The following COL28A1 variants were observed in gnomAD, a reference collection of about 807,000 sequenced individuals.
COL28A1 encodes collagen type XXVIII alpha 1 chain.
A neutral mutation model predicts 150.2 loss-of-function variants in COL28A1; 161 were observed. The observed-to-expected ratio is 1.07, with a 90% CI of 0.94 to 1.22. The LOEUF is 1.22. Ranked by LOEUF, COL28A1 falls within the 50% of genes most tolerant of loss-of-function variation. The pLI is 0.00. For missense variants in COL28A1, 1,617 were observed against 1,388.3 expected, an observed-to-expected ratio of 1.16 and a Z score of -2.62; for synonymous variants, 552 against 469.7, an observed-to-expected ratio of 1.18 and a Z score of -2.26.
intron 27 of COL28A1, among the ~76,000 whole-genome samples, chr7:7,388,614 C>T: frequency 1.1e-5 from 1 of 92,114 alleles, no homozygotes; most frequent in African/African-American, 3.0e-5. Flanking sequence ...CTAATTTACA[C>T]TCCCACCAAC....
upstream of COL28A1, among the ~76,000 whole-genome samples, chr7:7,536,187 T>C (rs1159924360): frequency 6.6e-6 from 1 of 152,190 alleles, no homozygotes; most frequent in Non-Finnish European, 1.5e-5. Flanking sequence ...TGAAGGAGTA[T>C]AAATGACACC....
chr7:7,469,628 C>A (rs1788263127), intron 15 of COL28A1, among the ~76,000 whole-genome samples: 1 of 100,590 alleles, frequency 9.9e-6, no homozygotes, highest in Non-Finnish European at 2.0e-5. Flanking sequence ...TCATATGGAA[C>A]CAAAAAAGAG....
chr7:7,484,968 C>T (rs1269598022), intron 13 of COL28A1, among the ~76,000 whole-genome samples: 1 of 151,942 alleles, frequency 6.6e-6, no homozygotes, highest in Non-Finnish European at 1.5e-5. Flanking sequence ...ACACTGGGGC[C>T]CACTTGAAGG....
rs77430010 is a variant in COL28A1, at chr7:7,433,974, C to A, written c.1861-1274G>T. 2.0e-3 allele frequency among the ~76,000 whole-genome samples: 299 copies of A among 152,276 alleles called. 1 individual carries two copies. The highest frequency in any genetic ancestry group is 6.7e-3 in the African/African-American group (280 of 41,554). On this transcript the variant is annotated intron_variant, in intron 23 of 34. Transcript: ENST00000399429. ...ATTGCCATTATTCCAAGTGAAAATA[C>A]TGCCCAAAGTCCAACTCTCAAAAAC...
intron 20 of COL28A1, among the ~76,000 whole-genome samples, chr7:7,442,554 AT>A (rs1487576991): frequency 6.6e-6 from 1 of 152,190 alleles, no homozygotes; most frequent in African/African-American, 2.4e-5. Flanking sequence ...AAGCCTACAA[AT>A]ATATTTAAAT....
Position 7,456,120 on chromosome 7 carries a change from G to T in COL28A1, c.1303-8C>A. The T allele has an allele frequency of 6.2e-7, 1 of 1,608,544 alleles. No individual in the cohort carries two copies. The highest frequency in any genetic ancestry group is 8.5e-7 in the Non-Finnish European group (1 of 1,177,342). ...CACAGGTCCTATATCCCCCTGCACA[G>T]AAAATAAGCCAGGAAATATAACAAT... On this transcript the variant is annotated splice_region_variant and splice_polypyrimidine_tract_variant and intron_variant, in intron 15 of 34. Transcript: ENST00000399429.
chr7:7,517,663 T>C, intron 7 of COL28A1, 133 bp downstream of exon 7: 1 of 1,299,258 alleles, frequency 7.7e-7, no homozygotes, highest in Non-Finnish European at 1.1e-6. Flanking sequence ...TCTGATTGCC[T>C]TCTTGAGCCA....
At chr7:7,382,731 C>A (rs975219716) in intron 27 of COL28A1, among the ~76,000 whole-genome samples, 1 of 152,168 alleles carries the variant, frequency 6.6e-6, no homozygotes, top group African/African-American at 2.4e-5. Context: ...ATCATCCCCA[C>A]CAAGATCATT....
At chr7:7,352,318 C>T (rs1374990992), downstream of COL28A1, among the ~76,000 whole-genome samples, 2 of 152,182 alleles carry the variant, frequency 1.3e-5, no homozygotes, top group East Asian at 1.9e-4. Flanking sequence ...GCAGAGGACA[C>T]AGCTGTTGTG....
intron 20 of COL28A1, among the ~76,000 whole-genome samples, chr7:7,442,958 C>A (rs2128321828): frequency 1.3e-5 from 2 of 151,884 alleles, no homozygotes; most frequent in East Asian, 3.9e-4. Flanking sequence ...TCGCTTGAAC[C>A]CGGGAGGCGG....
At chr7:7,368,332 G>C (rs1299523437) in intron 33 of COL28A1, among the ~76,000 whole-genome samples, 4 of 151,330 alleles carry the variant, frequency 2.6e-5, no homozygotes, top group Non-Finnish European at 5.9e-5. Context: ...CAATTAGACT[G>C]AATTTGTTCA....
intron 27 of COL28A1, among the ~76,000 whole-genome samples, chr7:7,391,144 T>G (rs1457286473): frequency 3.3e-5 from 5 of 152,236 alleles, no homozygotes; most frequent in Non-Finnish European, 7.3e-5. Context: ...AAACACTGCT[T>G]TAGCTGTGGC....
Position 7,507,135 on chromosome 7 carries a change from CT to C in COL28A1, c.953del (p.Lys318ArgfsTer120). 1 of 1,300,544 alleles carries C rather than the reference CT, an allele frequency of 7.7e-7. No homozygotes were observed. Among genetic ancestry groups the C allele is most frequent in the Non-Finnish European group, 1.1e-6 (1 of 895,608 alleles). The allele number at this position is 1,300,544 out of a possible 1,614,324, so 80.6% of individuals were successfully genotyped here. The stretch of plus-strand genomic sequence containing the variant: ...CCCTTACCTGAATTCCTCTGGGTCC[CT>C]TTGGTCCATATGGCCCTGGGGATCC... ...DKGSPGPYGP[K>X]GPRGIQGITG... On this transcript the variant is annotated frameshift_variant, in exon 10 of 35. Transcript: ENST00000399429. LOFTEE classifies it high-confidence loss of function.
At chr7:7,407,226 C>T (rs142233288) in intron 27 of COL28A1, among the ~76,000 whole-genome samples, 329 of 152,080 alleles carry the variant, frequency 2.2e-3, no homozygotes, top group African/African-American at 7.3e-3. Context: ...ATTGAAGTTT[C>T]AGAAAGATGG....
intron 33 of COL28A1, among the ~76,000 whole-genome samples, chr7:7,364,952 A>C (rs909380601): frequency 1.3e-5 from 2 of 152,236 alleles, no homozygotes; most frequent in Non-Finnish European, 2.9e-5. Flanking sequence ...GCAAAGAGCG[A>C]AAGAGAAAGA....
chr7:7,478,112 A>G (rs892330574), intron 13 of COL28A1, among the ~76,000 whole-genome samples: 2 of 152,196 alleles, frequency 1.3e-5, no homozygotes, highest in Admixed American at 1.3e-4. Context: ...CCTTAGCTAG[A>G]CATAAAGATT....
chr7:7,513,862 C>A (rs1181047482), intron 8 of COL28A1, among the ~76,000 whole-genome samples: 1 of 152,182 alleles, frequency 6.6e-6, no homozygotes, highest in African/African-American at 2.4e-5. Flanking sequence ...AAGGCGTTTT[C>A]CTTTTTGGTG....
chr7:7,456,389 AGTT>A (rs1253954061), intron 15 of COL28A1, among the ~76,000 whole-genome samples: 1 of 152,224 alleles, frequency 6.6e-6, no homozygotes, highest in African/African-American at 2.4e-5. Flanking sequence ...TTTCCTGAAT[AGTT>A]GTTATGACAC....
intron 25 of COL28A1, among the ~76,000 whole-genome samples, chr7:7,420,808 T>C (rs1562598713): frequency 1.3e-5 from 2 of 152,234 alleles, no homozygotes; most frequent in South Asian, 4.1e-4. Context: ...TCCACTCACC[T>C]ATTTTATTAA....
Sources: allele counts gnomAD v4.1 joint callset (sites outside exome capture counted in the v4.1 genomes callset), GRCh38; gene constraint gnomAD v4.1.1; transcripts MANE v1.5; gene names NCBI Gene and HGNC (gene_info 2026-07-23, HGNC 2026-07-21).